The following ARHGAP32 variants were observed in gnomAD, a reference collection of about 807,000 sequenced individuals.
The protein encoded by ARHGAP32 is Rho GTPase activating protein 32, also known as rho GTPase-activating protein 32.
ARHGAP32 carries 51 observed loss-of-function variants against 186.5 expected under a neutral mutation model. The observed-to-expected ratio is 0.27, with a 90% CI of 0.22 to 0.35. The LOEUF (loss-of-function observed/expected upper bound fraction) is 0.35, where lower values mean the gene tolerates loss of function less well. Ranked by LOEUF, ARHGAP32 falls within the 10% of genes least tolerant of loss-of-function variation. The probability of loss-of-function intolerance (pLI) is 1.00; values close to 1 mark genes in which losing one functional copy is unlikely to be tolerated. For synonymous variants in ARHGAP32, 950 were observed against 964.3 expected, an observed-to-expected ratio of 0.99 and a Z score of 0.27; for missense variants, 2,186 against 2,623.5, an observed-to-expected ratio of 0.83 and a Z score of 3.64.
chr11:129,059,378 T>C (rs1180515956), intron 10 of ARHGAP32, among the ~76,000 whole-genome samples: 2 of 152,162 alleles, frequency 1.3e-5, no homozygotes, highest in Non-Finnish European at 2.9e-5. Flanking sequence ...GCTCAACATG[T>C]CTCCTCTTTC....
upstream of ARHGAP32, among the ~76,000 whole-genome samples, chr11:129,193,575 T>TA (rs368694693): frequency 0.76 from 41,022 of 53,932 alleles, 16,218 homozygotes; most frequent in African/African-American, 0.83. Flanking sequence ...ATATAATATA[T>TA]ATATATTATA....
intron 1 of ARHGAP32, among the ~76,000 whole-genome samples, chr11:129,166,257 TAA>T (rs555696518): frequency 3.3e-5 from 5 of 151,040 alleles, no homozygotes; most frequent in African/African-American, 1.2e-4. Context: ...AGACTTGGTT[TAA>T]AAAAAAAGAT....
At chr11:129,273,118 A>G (rs1945491080) in intron 1 of ARHGAP32, among the ~76,000 whole-genome samples, 1 of 152,206 alleles carries the variant, frequency 6.6e-6, no homozygotes, top group South Asian at 2.1e-4. Context: ...GTACATCACA[A>G]GTCCTCAAAC....
At chr11:129,072,430 G>A (rs142864472) in intron 6 of ARHGAP32, among the ~76,000 whole-genome samples, 1 of 152,122 alleles carries the variant, frequency 6.6e-6, no homozygotes, top group East Asian at 1.9e-4. Flanking sequence ...CTGGTTACTG[G>A]TCTGCTATGT....
In ARHGAP32 at chr11:129,266,253, C is replaced by T. The variant is rs535715474; in HGVS notation, c.-5+12893G>A. 1.4e-4 allele frequency among the ~76,000 whole-genome samples: 21 copies of T among 152,238 alleles called. No individual in the cohort carries two copies. In the South Asian group the frequency reaches 4.4e-3, roughly 32 times the overall value. ...AATGTCACTAGATAAGTGACTTAAC[C>T]TGGATCTATTTCCCTACTAATAAGA... On this transcript the variant is annotated intron_variant, in intron 1 of 6. Transcript: ENST00000525234.
At chr11:129,277,009 T>G (rs1945539602) in intron 1 of ARHGAP32, among the ~76,000 whole-genome samples, 1 of 152,234 alleles carries the variant, frequency 6.6e-6, no homozygotes, top group African/African-American at 2.4e-5. Context: ...ATATTAGTCT[T>G]ACTCTTTAAA....
At chr11:129,051,953 C>CAAAAAA (rs36014500) in intron 10 of ARHGAP32, among the ~76,000 whole-genome samples, 4 of 71,120 alleles carry the variant, frequency 5.6e-5, no homozygotes, top group South Asian at 6.9e-4. Context: ...GATTCTGTCT[C>CAAAAAA]AAAAAAAAAA....
rs1322866264 is a variant in ARHGAP32 at position 129,129,855 on chromosome 11, CTTTCT to C, written c.226-4966_226-4962del. Among the ~76,000 whole-genome samples, 9 of 152,232 alleles carry C rather than the reference CTTTCT, an allele frequency of 5.9e-5. No homozygotes were observed. The South Asian group carries it at 1.5e-3, about 25-fold the overall frequency. ...TTCATTCTGATAGTTACTTCTTCACCTTTCTTTTATAATTAACAAAAGAGTTGAAC... is the reference window on the plus strand; with the variant it reads ...TTCATTCTGATAGTTACTTCTTCACCTTTATAATTAACAAAAGAGTTGAAC... On this transcript the variant is annotated intron_variant, in intron 2 of 22. Transcript: ENST00000682385.
chr11:129,236,983 T>C (rs1192939487), intron 1 of ARHGAP32, among the ~76,000 whole-genome samples: 2 of 152,238 alleles, frequency 1.3e-5, no homozygotes, highest in Non-Finnish European at 2.9e-5. Flanking sequence ...TGTCAAATCC[T>C]TTTCTTGCAT....
chr11:129,215,975 AGAG>A (rs1013076821), intron 1 of ARHGAP32, among the ~76,000 whole-genome samples: 5 of 152,164 alleles, frequency 3.3e-5, no homozygotes, highest in African/African-American at 1.2e-4. Flanking sequence ...GTCTGGACAC[AGAG>A]GAGAAAAGAG....
In ARHGAP32 at chr11:129,066,979, G is replaced by A. The variant is rs1413799363; in HGVS notation, c.532-111C>T. The A allele has an allele frequency of 7.4e-6, 7 of 942,848 alleles. No individual in the cohort carries two copies. The African/African-American group carries it at 1.0e-4, about 13-fold the overall frequency. 58.4% of individuals were successfully genotyped at this position (942,848 alleles called of 1,614,324 possible). On this transcript the variant is annotated intron_variant, in intron 6 of 22. Coordinates refer to ENST00000682385, the MANE Select transcript of ARHGAP32 (RefSeq NM_001378024.1). ...TTCATGAGATTTTATATTTTCTAAT[G>A]AGAAGTTTCTATTAACTTGATAGTT... is the stretch of plus-strand genomic sequence containing the variant.
At chr11:129,219,483 G>A (rs1483217931) in intron 1 of ARHGAP32, among the ~76,000 whole-genome samples, 8 of 151,860 alleles carry the variant, frequency 5.3e-5, no homozygotes, top group African/African-American at 1.9e-4. Context: ...CTAATGTTTT[G>A]GCTGTTTCTG....
chr11:128,993,329 C>T (rs148316972), intron 12 of ARHGAP32: 161 of 152,156 alleles, frequency 1.1e-3, no homozygotes, highest in African/African-American at 3.6e-3. Flanking sequence ...TATGTGCTGT[C>T]GAAGCAAGCA....
chr11:129,107,745 G>A (rs1157226881), intron 5 of ARHGAP32, among the ~76,000 whole-genome samples: 1 of 151,960 alleles, frequency 6.6e-6, no homozygotes, highest in African/African-American at 2.4e-5. Flanking sequence ...GCACATGCCT[G>A]TAATCCCAGC....
Position 128,970,001 on chromosome 11 carries a change from G to T in ARHGAP32, c.5212C>A (p.His1738Asn), listed in dbSNP as rs771865170. The T allele has an allele frequency of 6.2e-7, 1 of 1,614,192 alleles. No homozygotes were observed. Among genetic ancestry groups the T allele is most frequent in the Admixed American group, 1.7e-5 (1 of 60,032 alleles). Residue 1738 changes from histidine to asparagine, a missense_variant, in exon 23 of 23, where the codon CAT becomes AAT. By Grantham distance (68) the His-to-Asn change is moderately conservative. Coordinates refer to ENST00000682385, the MANE Select transcript of ARHGAP32 (RefSeq NM_001378024.1). This position sits in a 1 kb window ranked among gnomAD's most constrained non-coding sequence, Gnocchi z 5.8. ...NVTGYFSPND[H>N]NVVSMPPAAD... ...GCCGGAGGCATGCTGACTACATTAT[G>T]GTCGTTGGGAGAGAAATAGCCAGTC...
intron 1 of ARHGAP32, among the ~76,000 whole-genome samples, chr11:129,220,120 T>C (rs1944693512): frequency 6.6e-6 from 1 of 152,190 alleles, no homozygotes; most frequent in Non-Finnish European, 1.5e-5. Flanking sequence ...TAACAATGAA[T>C]ATGTTTTCCC....
At chr11:129,099,764 C>T (rs889476508) in intron 5 of ARHGAP32, among the ~76,000 whole-genome samples, 4 of 151,952 alleles carry the variant, frequency 2.6e-5, no homozygotes, top group African/African-American at 9.7e-5. Context: ...TGGGGGAGAA[C>T]AAGGTGGCTG....
chr11:129,132,407 G>C (rs888300956), intron 2 of ARHGAP32, among the ~76,000 whole-genome samples: 2 of 151,916 alleles, frequency 1.3e-5, no homozygotes, highest in African/African-American at 2.4e-5. Flanking sequence ...TTGAGCCTAA[G>C]GTTAAGGCTG....
At chr11:129,138,342 C>T (rs1942981827) in intron 2 of ARHGAP32, among the ~76,000 whole-genome samples, 1 of 146,824 alleles carries the variant, frequency 6.8e-6, no homozygotes, top group South Asian at 2.1e-4. Flanking sequence ...AAAAGTAGAG[C>T]ATCTCTAACA....
Sources: allele counts gnomAD v4.1 joint callset (sites outside exome capture counted in the v4.1 genomes callset), GRCh38; gene constraint gnomAD v4.1.1; non-coding constraint Gnocchi (gnomAD v3.1); transcripts MANE v1.5; gene names NCBI Gene and HGNC (gene_info 2026-07-23, HGNC 2026-07-21).